Variants in SYPL1 observed in about 807,000 individuals in gnomAD.
The protein encoded by SYPL1 is synaptophysin like 1, also known as synaptophysin-like protein 1.
A neutral mutation model predicts 23.7 loss-of-function variants in SYPL1; 6 were observed. The ratio of observed to expected loss-of-function variants is 0.25; its 90% CI spans 0.14 to 0.50. The LOEUF is 0.50. Among genes scored for constraint, SYPL1 ranks in the 20% least tolerant of loss-of-function variants. The pLI is 0.98. For synonymous variants in SYPL1, 102 were observed against 104.5 expected (o/e 0.98, Z 0.15); for missense variants, 253 against 288.9 (o/e 0.88, Z 0.90).
rs1363917548 is a variant in SYPL1 at position 106,091,283 on chromosome 7, T to C, written c.*522A>G. 1 of 152,362 alleles carries C rather than the reference T, an allele frequency of 6.6e-6. No individual in the cohort carries two copies. The highest frequency in any genetic ancestry group is 1.5e-5 in the Non-Finnish European group (1 of 68,038). The allele number at this position is 152,362 out of a possible 1,614,324, so 9.4% of individuals were successfully genotyped here. A position where few individuals can be genotyped will look rare whatever the true frequency, so the allele number is the denominator to read the frequency against. On this transcript the variant is annotated 3_prime_UTR_variant, in exon 5 of 5. Coordinates refer to ENST00000455385, the MANE Select transcript of SYPL1 (RefSeq NM_182715.4). The surrounding 1 kb of genome is among the most constrained non-coding windows in gnomAD (Gnocchi z 5.0). ...AACAGAAAAAAATATACACCTAGTC[T>C]TTGCAATTAAAAAAAAATCATAACA... is the stretch of plus-strand genomic sequence containing the variant.
intron 1 of SYPL1, among the ~76,000 whole-genome samples, chr7:106,102,825 TA>T (rs543435384): frequency 3.9e-4 from 59 of 152,186 alleles, no homozygotes; most frequent in Non-Finnish European, 6.9e-4. Context: ...AGCTGTTCAG[TA>T]AATGGTCCAG....
intron 3 of SYPL1, among the ~76,000 whole-genome samples, chr7:106,094,718 C>G (rs148449430): frequency 1.2e-4 from 19 of 152,220 alleles, no homozygotes; most frequent in African/African-American, 4.3e-4. Flanking sequence ...CGGAAAAGTT[C>G]ACAACTTTGA....
Position 106,095,361 on chromosome 7 carries a change from T to TGGGTA in SYPL1, c.403-2225_403-2224insTACCC, listed in dbSNP as rs1201229744. On this transcript the variant is annotated intron_variant, in intron 3 of 4. Coordinates refer to ENST00000455385, the MANE Select transcript of SYPL1 (RefSeq NM_182715.4). This position sits in a 1 kb window ranked among gnomAD's most constrained non-coding sequence, Gnocchi z 4.3. ...TCTCAAAAAAAACCTTTTTTTTTTTTTCCCCTGAGATGGAGTCTTGCTCTG... is the reference window on the plus strand; with the variant it reads ...TCTCAAAAAAAACCTTTTTTTTTTTTGGGTATCCCCTGAGATGGAGTCTTGCTCTG... Among the ~76,000 whole-genome samples the TGGGTA allele has an allele frequency of 6.6e-6, 1 of 151,898 alleles. No individual in the cohort carries two copies. Among genetic ancestry groups the TGGGTA allele is most frequent in the Non-Finnish European group, 1.5e-5 (1 of 67,982 alleles).
Position 106,104,752 on chromosome 7 carries a change from T to C in SYPL1, c.70-5470A>G, listed in dbSNP as rs561819239. On this transcript the variant is annotated intron_variant, in intron 1 of 4. Coordinates refer to ENST00000455385, the MANE Select transcript of SYPL1 (RefSeq NM_182715.4). The surrounding 1 kb of genome is among the most constrained non-coding windows in gnomAD (Gnocchi z 4.1). ...TATAGAAAGAAGGGACAAAAGCACA[T>C]ATTTTATATTAAACAAAGTACAAAA... 2.8e-4 allele frequency among the ~76,000 whole-genome samples: 43 copies of C among 152,216 alleles called. No individual in the cohort carries two copies. Among genetic ancestry groups the C allele is most frequent in the Non-Finnish European group, 5.3e-4 (36 of 68,036 alleles).
In SYPL1 at chr7:106,104,204, T is replaced by C. The variant is rs1840470797; in HGVS notation, c.70-4922A>G. On this transcript the variant is annotated intron_variant, in intron 1 of 4. Coordinates refer to ENST00000455385, the MANE Select transcript of SYPL1 (RefSeq NM_182715.4). This position sits in a 1 kb window ranked among gnomAD's most constrained non-coding sequence, Gnocchi z 4.1. ...TATCATAGACATTAACTCTATTATATATGAACTCTACTATAGGCATTTTTC... is the reference window on the plus strand; with the variant it reads ...TATCATAGACATTAACTCTATTATACATGAACTCTACTATAGGCATTTTTC... Among the ~76,000 whole-genome samples, 1 of 152,184 alleles carries C rather than the reference T, an allele frequency of 6.6e-6. No individual in the cohort carries two copies. The highest frequency in any genetic ancestry group is 2.1e-4 in the South Asian group (1 of 4,832).
At position 106,099,207 on chromosome 7, in the gene SYPL1, CAGG is replaced by C. The variant is rs763502500; in HGVS notation, c.142_144del (p.Pro48del). On this transcript the variant is annotated inframe_deletion, in exon 2 of 5. Transcript: ENST00000455385. Reference sequence around the variant, plus strand: ...GTAACAGTTTTATTCTCAGTAACTGCAGGAGGACAATTCACTTGAATTTCTGTT... The same window carrying C: ...GTAACAGTTTTATTCTCAGTAACTGCAGGACAATTCACTTGAATTTCTGTT... The C allele has an allele frequency of 1.9e-6, 3 of 1,613,848 alleles. No homozygotes were observed. The highest frequency in any genetic ancestry group is 2.7e-5 in the African/African-American group (2 of 74,888).
intron 1 of SYPL1, among the ~76,000 whole-genome samples, chr7:106,106,920 G>A (rs1158478423): frequency 2.6e-5 from 4 of 152,210 alleles, no homozygotes; most frequent in Non-Finnish European, 4.4e-5. Flanking sequence ...TAATTCTGAG[G>A]ATTCTACTGG....
At chr7:106,107,712 A>C (rs1187889020) in intron 1 of SYPL1, among the ~76,000 whole-genome samples, 1 of 146,266 alleles carries the variant, frequency 6.8e-6, no homozygotes, top group South Asian at 2.2e-4. Flanking sequence ...ACTGCACTCC[A>C]GCCTGGGTGA....
upstream of SYPL1, chr7:106,112,357 CGGGGCGG>C: frequency 1.4e-6 from 1 of 715,270 alleles, no homozygotes; most frequent in Non-Finnish European, 1.7e-6. Flanking sequence ...TGGGGCGGGG[CGGGGCGG>C]AGCGGCGGCG....
Position 106,091,785 on chromosome 7 carries a change from C to A in SYPL1, c.*20G>T. 6.2e-7 allele frequency: 1 copy of A among 1,600,590 alleles called. No homozygotes were observed. On this transcript the variant is annotated 3_prime_UTR_variant, in exon 5 of 5. Coordinates refer to ENST00000455385, the MANE Select transcript of SYPL1 (RefSeq NM_182715.4). The surrounding 1 kb of genome is among the most constrained non-coding windows in gnomAD (Gnocchi z 5.0). ...TCATAGTATCAACATATACTTCATA[C>A]AGTGTATTTCTCCCTTTAATTATAT... is the stretch of plus-strand genomic sequence containing the variant.
rs1039173481 is a variant in SYPL1 at position 106,091,134 on chromosome 7, C to T, written c.*671G>A. 1.3e-5 allele frequency: 2 copies of T among 152,102 alleles called. No individual in the cohort carries two copies. The highest frequency in any genetic ancestry group is 1.3e-4 in the Admixed American group (2 of 15,268). The allele number at this position is 152,102 out of a possible 1,614,324, so 9.4% of individuals were successfully genotyped here. A position where few individuals can be genotyped will look rare whatever the true frequency, so the allele number is the denominator to read the frequency against. ...CATAGCAAGCCTATTAAACCACTAG[C>T]ATAACAGATCATATCTCATGAAACA... On this transcript the variant is annotated 3_prime_UTR_variant, in exon 5 of 5. Coordinates refer to ENST00000455385, the MANE Select transcript of SYPL1 (RefSeq NM_182715.4). The surrounding 1 kb of genome is among the most constrained non-coding windows in gnomAD (Gnocchi z 5.0).
At chr7:106,112,536 T>G, upstream of SYPL1, 1 of 1,510,438 alleles carries the variant, frequency 6.6e-7, no homozygotes, top group Non-Finnish European at 8.8e-7. Flanking sequence ...CCATACTGCG[T>G]GCGCCGCGCC....
In SYPL1 at chr7:106,095,203, T is replaced by C. The variant is rs925376863; in HGVS notation, c.403-2066A>G. Among the ~76,000 whole-genome samples, 2 of 152,176 alleles carry C rather than the reference T, an allele frequency of 1.3e-5. No homozygotes were observed. The highest frequency in any genetic ancestry group is 4.8e-5 in the African/African-American group (2 of 41,452). ...TACTTCAAAAGAGAATTGAAGTAGA[T>C]TTAAATTTTCATAACTGAAATACTC... On this transcript the variant is annotated intron_variant, in intron 3 of 4. Transcript: ENST00000455385. This position sits in a 1 kb window ranked among gnomAD's most constrained non-coding sequence, Gnocchi z 4.3.
chr7:106,112,262 C>G lies in SYPL1; in HGVS notation c.-54G>C, dbSNP rs748636940. ...AGGACGACGGGGCGGAGGAGGGGAC[C>G]GACGAGACCAGAGCAGCCCGGTGGC... On this transcript the variant is annotated 5_prime_UTR_variant, in exon 1 of 5. Coordinates refer to ENST00000455385, the MANE Select transcript of SYPL1 (RefSeq NM_182715.4). The G allele has an allele frequency of 6.6e-7, 1 of 1,505,282 alleles. No individual in the cohort carries two copies. Among genetic ancestry groups the G allele is most frequent in the Non-Finnish European group, 9.0e-7 (1 of 1,116,454 alleles). 93.2% of individuals were successfully genotyped at this position (1,505,282 alleles called of 1,614,324 possible). A position where few individuals can be genotyped will look rare whatever the true frequency, so the allele number is the denominator to read the frequency against.
At chr7:106,094,628 C>A (rs1197048175) in intron 3 of SYPL1, among the ~76,000 whole-genome samples, 2 of 152,156 alleles carry the variant, frequency 1.3e-5, no homozygotes, top group Non-Finnish European at 1.5e-5. Flanking sequence ...ATTTTCTAAA[C>A]GCTTGCTAGA....
intron 1 of SYPL1, among the ~76,000 whole-genome samples, chr7:106,106,558 A>C (rs549687736): frequency 6.6e-6 from 1 of 151,004 alleles, no homozygotes; most frequent in East Asian, 2.0e-4. Flanking sequence ...TCTCAAAAAA[A>C]AAAAAGACTC....
Position 106,105,120 on chromosome 7 carries a change from C to T in SYPL1, c.70-5838G>A, listed in dbSNP as rs541441975. Reference sequence around the variant, plus strand: ...TGTGCTTTCCAGGTTATCCGCTTCTCCATTGTCTTAACAGCCCTCAGGATG... The same window carrying T: ...TGTGCTTTCCAGGTTATCCGCTTCTTCATTGTCTTAACAGCCCTCAGGATG... On this transcript the variant is annotated intron_variant, in intron 1 of 4. Coordinates refer to ENST00000455385, the MANE Select transcript of SYPL1 (RefSeq NM_182715.4). 7.3e-4 allele frequency among the ~76,000 whole-genome samples: 111 copies of T among 152,226 alleles called. 2 individuals are homozygous for T. Among genetic ancestry groups the T allele is most frequent in the Middle Eastern group, 3.4e-3 (1 of 294 alleles).
intron 1 of SYPL1, among the ~76,000 whole-genome samples, chr7:106,105,848 C>A (rs565728641): frequency 1.3e-5 from 2 of 152,116 alleles, no homozygotes; most frequent in Non-Finnish European, 2.9e-5. Flanking sequence ...TCATGCATTA[C>A]AATGTGAGTG....
rs1839952311 is a variant in SYPL1, at chr7:106,095,123, C to T, written c.403-1986G>A. 6.6e-6 allele frequency among the ~76,000 whole-genome samples: 1 copy of T among 151,992 alleles called. No individual in the cohort carries two copies. Among genetic ancestry groups the T allele is most frequent in the South Asian group, 2.1e-4 (1 of 4,820 alleles). Reference sequence around the variant, plus strand: ...ATTTTCTGGTATTCTCAATTTTCCACATTGCCTTGAAACCTTAAACTCCTG... The same window carrying T: ...ATTTTCTGGTATTCTCAATTTTCCATATTGCCTTGAAACCTTAAACTCCTG... On this transcript the variant is annotated intron_variant, in intron 3 of 4. Transcript: ENST00000455385. The surrounding 1 kb of genome is among the most constrained non-coding windows in gnomAD (Gnocchi z 4.3).
Sources: gnomAD v4.1 joint callset for allele counts (sites outside exome capture counted in the v4.1 genomes callset) on GRCh38, gnomAD v4.1.1 for gene constraint, Gnocchi (gnomAD v3.1) non-coding constraint, MANE v1.5 for transcripts, NCBI Gene and HGNC (gene_info 2026-07-23, HGNC 2026-07-21) for gene names.